CNTLN: variants seen among roughly 807,000 people sequenced by gnomAD.
CNTLN encodes the protein centlein.
Under a neutral mutation model 180.0 loss-of-function variants are expected in CNTLN, and 212 were observed. The observed-to-expected ratio is 1.18, with a 90% CI of 1.05 to 1.32. The LOEUF is 1.32. Ranked by LOEUF, CNTLN falls within the 40% of genes most tolerant of loss-of-function variation. The pLI, the probability that CNTLN is intolerant of heterozygous loss-of-function variation, is 0.00. For synonymous variants in CNTLN, 722 were observed against 563.1 expected, an observed-to-expected ratio of 1.28 and a Z score of -3.99; for missense variants, 2,095 against 1,610.9, an observed-to-expected ratio of 1.30 and a Z score of -5.14.
chr9:17,383,897 C>CA (rs1317983444), intron 13 of CNTLN, among the ~76,000 whole-genome samples: 1 of 152,074 alleles, frequency 6.6e-6, no homozygotes, highest in South Asian at 2.1e-4. Context: ...CTCGGCCTCC[C>CA]AAAGTACTGA....
intron 20 of CNTLN, among the ~76,000 whole-genome samples, chr9:17,463,372 G>A (rs1831562408): frequency 1.3e-5 from 2 of 151,550 alleles, no homozygotes; most frequent in Admixed American, 6.6e-5. Context: ...AGCTTATAAA[G>A]CTAAGGTAAA....
chr9:17,375,957 T>G (rs1234510003), intron 13 of CNTLN, among the ~76,000 whole-genome samples: 2 of 152,236 alleles, frequency 1.3e-5, no homozygotes, highest in African/African-American at 4.8e-5. Context: ...TTCTAACCAC[T>G]GTACTTTTAG....
chr9:17,362,356 A>ATGTGTATG (rs955010559), intron 12 of CNTLN, among the ~76,000 whole-genome samples: 5 of 152,240 alleles, frequency 3.3e-5, no homozygotes, highest in Middle Eastern at 3.4e-3. Context: ...ATGTGTGTGC[A>ATGTGTATG]TGTGTATGTG....
At chr9:17,395,606 A>G (rs990046175) in intron 15 of CNTLN, among the ~76,000 whole-genome samples, 1 of 152,178 alleles carries the variant, frequency 6.6e-6, no homozygotes, top group Non-Finnish European at 1.5e-5. Context: ...TATTTTATGT[A>G]TGTATTATGC....
intron 18 of CNTLN, among the ~76,000 whole-genome samples, chr9:17,422,959 G>A (rs911402514): frequency 6.6e-6 from 1 of 152,170 alleles, no homozygotes; most frequent in African/African-American, 2.4e-5. Flanking sequence ...CGGTAACACT[G>A]TGATTCTTGC....
chr9:17,274,502 TA>T (rs748649154), intron 6 of CNTLN, among the ~76,000 whole-genome samples: 4,467 of 143,600 alleles, frequency 0.031, 81 homozygotes, highest in South Asian at 0.079. Context: ...TCTATCTATC[TA>T]TGTATCTTTC....
the CNTLN span, among the ~76,000 whole-genome samples, chr9:17,528,446 C>T: frequency 1.4e-3 from 208 of 152,300 alleles, no homozygotes; most frequent in African/African-American, 4.9e-3. Context: ...ACAAAATACT[C>T]GACCAGAGCT....
chr9:17,321,820 TTTA>T (rs1272458888), intron 8 of CNTLN, among the ~76,000 whole-genome samples: 1 of 152,184 alleles, frequency 6.6e-6, no homozygotes, highest in East Asian at 1.9e-4. Context: ...TGATTTTTAC[TTTA>T]TTATTGTTTC....
the CNTLN span, among the ~76,000 whole-genome samples, chr9:17,523,896 G>T: frequency 4.6e-5 from 7 of 152,186 alleles, no homozygotes; most frequent in Admixed American, 3.3e-4. Flanking sequence ...CCATTACAGG[G>T]TTGACCCCTG....
intron 6 of CNTLN, among the ~76,000 whole-genome samples, chr9:17,278,952 T>C (rs1191010633): frequency 6.6e-6 from 1 of 152,164 alleles, no homozygotes; most frequent in African/African-American, 2.4e-5. Flanking sequence ...TTTTTTTTCA[T>C]ATAATGAAAC....
At chr9:17,486,355 G>A (rs879085234) in intron 24 of CNTLN, among the ~76,000 whole-genome samples, 8 of 150,684 alleles carry the variant, frequency 5.3e-5, no homozygotes, top group Admixed American at 1.3e-4. Flanking sequence ...TTTTTTTTTC[G>A]TAAACTGAAA....
At chr9:17,207,335 C>T (rs1822995221) in intron 2 of CNTLN, among the ~76,000 whole-genome samples, 1 of 152,140 alleles carries the variant, frequency 6.6e-6, no homozygotes, top group South Asian at 2.1e-4. Flanking sequence ...GCGTTTCCCA[C>T]ACAGAACACC....
At chr9:17,251,696 T>C (rs145507074) in intron 5 of CNTLN, among the ~76,000 whole-genome samples, 11 of 151,912 alleles carry the variant, frequency 7.2e-5, no homozygotes, top group African/African-American at 2.6e-4. Flanking sequence ...GTCAGGGTAT[T>C]TGGGGTCTCC....
At chr9:17,162,949 C>A (rs186239100) in intron 2 of CNTLN, among the ~76,000 whole-genome samples, 1 of 152,248 alleles carries the variant, frequency 6.6e-6, no homozygotes, top group Admixed American at 6.5e-5. Flanking sequence ...TGTTCTCACA[C>A]TGCTAATAAA....
intron 2 of CNTLN, among the ~76,000 whole-genome samples, chr9:17,204,515 A>G (rs1229320449): frequency 6.6e-6 from 1 of 152,150 alleles, no homozygotes; most frequent in African/African-American, 2.4e-5. Flanking sequence ...GGAGAACAGC[A>G]GTGATTGCTG....
chr9:17,278,583 A>G (rs2779774), intron 6 of CNTLN, among the ~76,000 whole-genome samples: 25,103 of 152,008 alleles, frequency 0.17, 2,241 homozygotes, highest in South Asian at 0.28. Context: ...TCCTTCCCAT[A>G]TAATTTTCAA....
intron 6 of CNTLN, among the ~76,000 whole-genome samples, chr9:17,295,997 A>AGAGAGAGAGAGT (rs1342910465): frequency 2.2e-4 from 20 of 91,336 alleles, no homozygotes; most frequent in African/African-American, 1.1e-3. Flanking sequence ...AGAGAGAGAG[A>AGAGAGAGAGAGT]GTGTGTGTGT....
chr9:17,190,616 C>G (rs1002289196), intron 2 of CNTLN, among the ~76,000 whole-genome samples: 3 of 152,078 alleles, frequency 2.0e-5, no homozygotes, highest in Admixed American at 6.6e-5. Flanking sequence ...ATCTTTATAT[C>G]TGGAATTTCT....
intron 8 of CNTLN, among the ~76,000 whole-genome samples, chr9:17,320,344 T>C (rs1819821358): frequency 6.6e-6 from 1 of 152,208 alleles, no homozygotes; most frequent in Non-Finnish European, 1.5e-5. Context: ...CCAGCAACTG[T>C]CACAAATAAT....
Sources: gnomAD v4.1 joint callset for allele counts (sites outside exome capture counted in the v4.1 genomes callset) on GRCh38, gnomAD v4.1.1 for gene constraint, MANE v1.5 for transcripts, NCBI Gene and HGNC (gene_info 2026-07-23, HGNC 2026-07-21) for gene names.